Variants in RNASE11 observed in about 807,000 individuals in gnomAD.
RNASE11 encodes putative inactive ribonuclease 11.
For synonymous variants in RNASE11, 105 were observed against 86.1 expected, an observed-to-expected ratio of 1.22 and a Z score of -1.21; for missense variants, 252 against 237.8, an observed-to-expected ratio of 1.06 and a Z score of -0.39.
In RNASE11 at chr14:20,583,651, CCA is replaced by C. The variant is rs1884358227; in HGVS notation, c.*222_*223del. On this transcript the variant is annotated 3_prime_UTR_variant, in exon 2 of 2. Coordinates refer to ENST00000553849, the Ensembl canonical transcript of RNASE11. ...GTTTTACACCCTCCCCACCCTCCCC[CCA>C]CACAGAGAGAGAGATAGAGAGAGAA... 1.5e-5 allele frequency: 5 copies of C among 336,080 alleles called. No homozygotes were observed. In the South Asian group the frequency reaches 2.5e-4, roughly 17 times the overall value. The allele number at this position is 336,080 out of a possible 1,614,324, so 20.8% of individuals were successfully genotyped here.
chr14:20,587,650 A>C (rs1391790533), exon 1 of RNASE11: 3 of 985,274 alleles, frequency 3.0e-6, no homozygotes, highest in Non-Finnish European at 3.6e-6. Context: ...ATGACAACAG[A>C]ATTACCACAG....
exon 2 of RNASE11, chr14:20,584,230 T>G: frequency 6.2e-7 from 1 of 1,614,248 alleles, no homozygotes. Flanking sequence ...GTCATTATAA[T>G]GTAAACTTCT....
chr14:20,585,454 C>T (rs115745639), intron 1 of RNASE11, among the ~76,000 whole-genome samples: 1,851 of 152,180 alleles, frequency 0.012, 37 homozygotes, highest in African/African-American at 0.042. Context: ...AAAAATTCCT[C>T]GAGCCTGAAA....
chr14:20,583,438 A>C (rs1424621597), downstream of RNASE11: 1 of 167,962 alleles, frequency 6.0e-6, no homozygotes, highest in Admixed American at 5.5e-5. Flanking sequence ...GTGAGCACAT[A>C]CCCTTTGAAG....
chr14:20,585,648 T>A (rs975670562), intron 1 of RNASE11, among the ~76,000 whole-genome samples: 2 of 152,182 alleles, frequency 1.3e-5, no homozygotes, highest in Non-Finnish European at 2.9e-5. Flanking sequence ...AGAGTAGATG[T>A]TAAGGAAACA....
At chr14:20,590,064 C>A (rs1256925016), upstream of RNASE11, 2 of 915,818 alleles carry the variant, frequency 2.2e-6, no homozygotes, top group South Asian at 2.0e-5. Flanking sequence ...AATGGAAACA[C>A]ATGTAGAATT....
At chr14:20,584,362 T>A in exon 2 of RNASE11, 1 of 1,614,208 alleles carries the variant, frequency 6.2e-7, no homozygotes, top group Non-Finnish European at 8.5e-7. Flanking sequence ...TTTTGCCATG[T>A]CATATTGCAT....
chr14:20,585,660 G>A (rs1051701823), intron 1 of RNASE11, among the ~76,000 whole-genome samples: 6 of 151,820 alleles, frequency 4.0e-5, no homozygotes, highest in African/African-American at 1.5e-4. Flanking sequence ...AAGGAAACAG[G>A]AAGAAGAGCA....
chr14:20,584,653 G>A (rs1472988198), intron 1 of RNASE11, among the ~76,000 whole-genome samples, 157 bp from the exon 3 acceptor site: 1 of 152,168 alleles, frequency 6.6e-6, no homozygotes, highest in African/African-American at 2.4e-5. Flanking sequence ...ACAATCAGCT[G>A]TGGAGTCTGA....
chr14:20,590,158 A>C (rs1594475089), upstream of RNASE11: 2 of 1,488,936 alleles, frequency 1.3e-6, no homozygotes, highest in Non-Finnish European at 1.8e-6. Flanking sequence ...TAAATTAATT[A>C]CCAGTGGCTT....
At chr14:20,584,417 C>G in exon 2 of RNASE11, 2 of 1,613,176 alleles carry the variant, frequency 1.2e-6, no homozygotes, top group Non-Finnish European at 1.7e-6. Flanking sequence ...ATTGTGCTTT[C>G]TGATGCTTCT....
rs940216971 is a variant in RNASE11, at chr14:20,587,692, G to A, written c.-152C>T. On this transcript the variant is annotated 5_prime_UTR_variant, in exon 1 of 2. Coordinates refer to ENST00000553849, the Ensembl canonical transcript of RNASE11. ...AGAAAATGAAACTCAGCTGAAAAAC[G>A]GCCACCTAAGATGGAAGAAGCCATG... 12 of 984,766 alleles carry A rather than the reference G, an allele frequency of 1.2e-5. No individual in the cohort carries two copies. The African/African-American group carries it at 1.9e-4, about 16-fold the overall frequency. The allele number at this position is 984,766 out of a possible 1,614,324, so 61.0% of individuals were successfully genotyped here.
chr14:20,587,539 A>T lies in RNASE11; in HGVS notation c.-23+24T>A, dbSNP rs899991835. 5 of 984,568 alleles carry T rather than the reference A, an allele frequency of 5.1e-6. No individual in the cohort carries two copies. In the African/African-American group the frequency reaches 8.7e-5, roughly 17 times the overall value. 61.0% of individuals were successfully genotyped at this position (984,568 alleles called of 1,614,324 possible). A position where few individuals can be genotyped will look rare whatever the true frequency, so the allele number is the denominator to read the frequency against. ...AAAATGATGCTACCAAGGCCCAACA[A>T]ATCATGTGCTAGGGACCACCTACCT... On this transcript the variant is annotated intron_variant, in intron 1 of 1. Coordinates refer to ENST00000553849, the Ensembl canonical transcript of RNASE11.
upstream of RNASE11, chr14:20,588,154 T>G (rs965362952): frequency 2.0e-5 from 3 of 152,178 alleles, no homozygotes; most frequent in Admixed American, 6.5e-5. Flanking sequence ...TCTGTACTAC[T>G]TAAGAAATAG....
At chr14:20,583,496 A>G (rs149103850), downstream of RNASE11, 26 of 198,730 alleles carry the variant, frequency 1.3e-4, no homozygotes, top group East Asian at 1.8e-3. Context: ...ATTTTTCTGA[A>G]TAGTATCATT....
chr14:20,589,088 G>A (rs1884500626), upstream of RNASE11, among the ~76,000 whole-genome samples: 2 of 151,610 alleles, frequency 1.3e-5, no homozygotes, highest in African/African-American at 4.8e-5. Context: ...CGCCTGGCCA[G>A]AAAATAAATT....
intron 1 of RNASE11, among the ~76,000 whole-genome samples, chr14:20,587,007 G>T (rs1051161844): frequency 2.6e-5 from 4 of 152,226 alleles, no homozygotes; most frequent in African/African-American, 4.8e-5. Context: ...ACAACAAAAA[G>T]CCAGTTGTGG....
chr14:20,584,553 T>G, intron 1 of RNASE11, 57 bp from the exon 3 acceptor site: 1 of 1,399,452 alleles, frequency 7.1e-7, no homozygotes, highest in Non-Finnish European at 9.5e-7. Context: ...GGTAGTTCTT[T>G]CTTCCTCCTG....
At chr14:20,586,135 C>T (rs1370455403) in intron 1 of RNASE11, among the ~76,000 whole-genome samples, 1 of 152,232 alleles carries the variant, frequency 6.6e-6, no homozygotes, top group Non-Finnish European at 1.5e-5. Flanking sequence ...AGCCAATGCT[C>T]CACTTGCTCT....
Sources: gnomAD v4.1 joint callset for allele counts (sites outside exome capture counted in the v4.1 genomes callset) on GRCh38, gnomAD v4.1.1 for gene constraint, MANE v1.5 for transcripts, NCBI Gene and HGNC (gene_info 2026-07-23, HGNC 2026-07-21) for gene names.